The following OTOGL variants were observed in gnomAD, a reference collection of about 807,000 sequenced individuals.
OTOGL encodes otogelin-like protein.
OTOGL carries 285 observed loss-of-function variants against 318.5 expected under a neutral mutation model. That is an observed-to-expected ratio of 0.89 (90% CI 0.81 to 0.99). OTOGL has a LOEUF of 0.99. Ranked by LOEUF, OTOGL falls within the 50% of genes least tolerant of loss-of-function variation. OTOGL has a pLI of 0.00. For synonymous variants in OTOGL, 987 were observed against 936.5 expected (o/e 1.05, Z -0.99); for missense variants, 2,899 against 2,845.6 (o/e 1.02, Z -0.43).
intron 1 of OTOGL, among the ~76,000 whole-genome samples, chr12:80,164,874 A>G (rs1483945129): frequency 6.6e-6 from 1 of 152,140 alleles, no homozygotes; most frequent in Non-Finnish European, 1.5e-5. Flanking sequence ...TGGTTCTGCA[A>G]ATATATACAT....
chr12:80,139,515 G>A (rs1871791587), intron 1 of OTOGL, among the ~76,000 whole-genome samples: 1 of 151,998 alleles, frequency 6.6e-6, no homozygotes, highest in Non-Finnish European at 1.5e-5. Flanking sequence ...AATATTTCCT[G>A]ATTTCCCTAG....
At chr12:80,331,333 A>ATTTTTT (rs386377119) in intron 37 of OTOGL, among the ~76,000 whole-genome samples, 29 of 81,808 alleles carry the variant, frequency 3.5e-4, no homozygotes, top group Admixed American at 7.2e-4. Context: ...AGTCATTAGA[A>ATTTTTT]TTTTTTTTTT....
Position 80,379,509 on chromosome 12 carries a change from TC to T in OTOGL, c.*1463del, listed in dbSNP as rs1361732159. ...GTTTACTGTATATGCAATTGATTTA[TC>T]CTGTTTGTGCTTAATATAAGTGTTC... On this transcript the variant is annotated 3_prime_UTR_variant, in exon 59 of 59. Coordinates refer to ENST00000547103, the MANE Select transcript of OTOGL (RefSeq NM_001378609.3). 32 of 152,068 alleles carry T rather than the reference TC, an allele frequency of 2.1e-4. No homozygotes were observed. Among genetic ancestry groups the T allele is most frequent in the African/African-American group, 7.5e-4 (31 of 41,550 alleles). The allele number at this position is 152,068 out of a possible 1,614,324, so 9.4% of individuals were successfully genotyped here.
At chr12:80,110,766 C>T (rs1021289962) in intron 1 of OTOGL, among the ~76,000 whole-genome samples, 1 of 152,142 alleles carries the variant, frequency 6.6e-6, no homozygotes, top group Non-Finnish European at 1.5e-5. Context: ...GGGTATATCC[C>T]CAGTAATGGG....
At chr12:80,269,238 G>C (rs920255975) in intron 22 of OTOGL, among the ~76,000 whole-genome samples, 1 of 152,104 alleles carries the variant, frequency 6.6e-6, no homozygotes, top group Non-Finnish European at 1.5e-5. Flanking sequence ...ATATGATCTG[G>C]TCCAAAGCTG....
At position 80,367,450 on chromosome 12, in the gene OTOGL, G is replaced by C. The variant is rs117707633; in HGVS notation, c.6332-111G>C. 1.7e-3 allele frequency: 1,361 copies of C among 784,786 alleles called. 21 individuals are homozygous for C. In the East Asian group the frequency reaches 0.032, roughly 18 times the overall value. The allele number at this position is 784,786 out of a possible 1,614,324, so 48.6% of individuals were successfully genotyped here. A position where few individuals can be genotyped will look rare whatever the true frequency, so the allele number is the denominator to read the frequency against. ...AAATATGAAGATCTTCATTAGTTTT[G>C]AAAAATTGGCACATCGCAATGAAAA... is the stretch of plus-strand genomic sequence containing the variant. On this transcript the variant is annotated intron_variant, in intron 53 of 58. Coordinates refer to ENST00000547103, the MANE Select transcript of OTOGL (RefSeq NM_001378609.3).
intron 57 of OTOGL, among the ~76,000 whole-genome samples, chr12:80,376,035 C>T (rs1281904451): frequency 6.6e-6 from 1 of 151,460 alleles, no homozygotes; most frequent in Admixed American, 6.6e-5. Flanking sequence ...GCACATGTAC[C>T]CTAAAACTTA....
intron 1 of OTOGL, among the ~76,000 whole-genome samples, chr12:80,156,830 AAAATG>A (rs1873154831): frequency 6.6e-6 from 1 of 152,154 alleles, no homozygotes; most frequent in African/African-American, 2.4e-5. Context: ...CAGCAGCATG[AAAATG>A]GACTCATAGA....
intron 1 of OTOGL, among the ~76,000 whole-genome samples, chr12:80,144,902 TG>T (rs1175067103): frequency 6.6e-6 from 1 of 151,544 alleles, no homozygotes; most frequent in Non-Finnish European, 1.5e-5. Context: ...TTGATGGGGT[TG>T]TTTGTTTTTT....
chr12:80,320,533 G>T lies in OTOGL; in HGVS notation c.3914G>T (p.Arg1305Leu). ...ELWEANSAFH[R>L]RATFFHHQGL... ...TGGGAGGCGAATTCAGCCTTTCATC[G>T]GAGAGCAACATTTTTCCACCATCAG... is the stretch of plus-strand genomic sequence containing the variant. The change falls in exon 34 of 59, where the codon CGG (arginine) becomes CTG (leucine). Residue 1305 changes from arginine (R) to leucine (L), a missense_variant. Coordinates refer to ENST00000547103, the MANE Select transcript of OTOGL (RefSeq NM_001378609.3). The T allele has an allele frequency of 5.0e-6, 8 of 1,613,530 alleles. No homozygotes were observed. Among genetic ancestry groups the T allele is most frequent in the Non-Finnish European group, 6.8e-6 (8 of 1,179,696 alleles).
intron 1 of OTOGL, among the ~76,000 whole-genome samples, chr12:80,124,118 T>C (rs4575340): frequency 7.2e-5 from 11 of 152,362 alleles, no homozygotes; most frequent in Admixed American, 7.2e-4. Flanking sequence ...TGCCCATGCC[T>C]ATGTCCCGAA....
intron 19 of OTOGL, among the ~76,000 whole-genome samples, chr12:80,264,693 A>G (rs942546216): frequency 6.6e-6 from 1 of 152,144 alleles, no homozygotes; most frequent in South Asian, 2.1e-4. Context: ...CCAATTCTTT[A>G]TAGTAGGTTT....
chr12:80,359,034 A>G, intron 52 of OTOGL, 134 bp downstream of exon 52: 1 of 727,930 alleles, frequency 1.4e-6, no homozygotes. Context: ...GTAGATTAAA[A>G]TAATGTGCTC....
At chr12:80,347,650 G>T (rs548362135) in intron 44 of OTOGL, among the ~76,000 whole-genome samples, 1 of 152,216 alleles carries the variant, frequency 6.6e-6, no homozygotes, top group East Asian at 1.9e-4. Flanking sequence ...TAATGGGATT[G>T]CTGGGTCAAA....
At chr12:80,318,178 A>C (rs1887090751) in intron 32 of OTOGL, among the ~76,000 whole-genome samples, 1 of 152,064 alleles carries the variant, frequency 6.6e-6, no homozygotes, top group South Asian at 2.1e-4. Context: ...AGGGGAAAAA[A>C]GTCTTGCCCT....
intron 7 of OTOGL, among the ~76,000 whole-genome samples, chr12:80,224,343 G>A (rs961298636): frequency 1.4e-4 from 21 of 151,942 alleles, no homozygotes; most frequent in Non-Finnish European, 2.5e-4. Context: ...GTTTGAAGTC[G>A]GGTAATGTAA....
intron 8 of OTOGL, among the ~76,000 whole-genome samples, chr12:80,230,453 C>T (rs983913674): frequency 2.0e-5 from 3 of 152,122 alleles, no homozygotes; most frequent in Non-Finnish European, 4.4e-5. Flanking sequence ...TTTAGATAGT[C>T]ATTTAGGATT....
intron 1 of OTOGL, among the ~76,000 whole-genome samples, chr12:80,192,888 A>C (rs904875778): frequency 2.0e-5 from 3 of 152,192 alleles, no homozygotes; most frequent in Non-Finnish European, 4.4e-5. Flanking sequence ...CAAATATTTC[A>C]TGAAAAAATA....
chr12:80,337,660 G>A (rs564674721), intron 42 of OTOGL, among the ~76,000 whole-genome samples: 2 of 151,416 alleles, frequency 1.3e-5, no homozygotes, highest in Non-Finnish European at 3.0e-5. Context: ...TCAGTTCTAA[G>A]TTATTCTCTG....
Sources: gnomAD v4.1 joint callset for allele counts (sites outside exome capture counted in the v4.1 genomes callset) on GRCh38, gnomAD v4.1.1 for gene constraint, MANE v1.5 for transcripts, NCBI Gene and HGNC (gene_info 2026-07-23, HGNC 2026-07-21) for gene names.